NRXN3: variants seen among roughly 807,000 people sequenced by gnomAD.
NRXN3 encodes neurexin III.
NRXN3 carries 32 observed loss-of-function variants against 137.6 expected under a neutral mutation model. That is an observed-to-expected ratio of 0.23 (90% CI 0.18 to 0.31). NRXN3 has a LOEUF of 0.31. Ranked by LOEUF, NRXN3 falls within the 10% of genes least tolerant of loss-of-function variation. The pLI is 1.00. For synonymous variants in NRXN3, 798 were observed against 784.5 expected (o/e 1.02, Z -0.29); for missense variants, 1,574 against 2,062.5 (o/e 0.76, Z 4.59).
intron 6 of NRXN3, among the ~76,000 whole-genome samples, chr14:78,663,133 G>C (rs2097854429): frequency 6.6e-6 from 1 of 152,200 alleles, no homozygotes; most frequent in Admixed American, 6.5e-5. Context: ...CTAAGTGTTG[G>C]AGTTGAGATG....
chr14:78,599,591 C>T (rs1021809889), intron 4 of NRXN3, among the ~76,000 whole-genome samples: 1 of 152,204 alleles, frequency 6.6e-6, no homozygotes, highest in Non-Finnish European at 1.5e-5. Context: ...GATTCCTTTT[C>T]CTGTACCCCT....
chr14:79,107,103 A>G (rs2052586964), intron 15 of NRXN3, among the ~76,000 whole-genome samples: 1 of 152,210 alleles, frequency 6.6e-6, no homozygotes, highest in Admixed American at 6.6e-5. Context: ...TCTATGTATC[A>G]TGACTGACTA....
At chr14:79,063,708 G>T (rs749373352) in intron 15 of NRXN3, among the ~76,000 whole-genome samples, 2 of 152,108 alleles carry the variant, frequency 1.3e-5, no homozygotes, top group Non-Finnish European at 2.9e-5. Context: ...AATACAAGCC[G>T]AGGAAAGAGA....
intron 17 of NRXN3, among the ~76,000 whole-genome samples, chr14:79,664,975 AG>A (rs2098551114): frequency 6.6e-6 from 1 of 152,158 alleles, no homozygotes; most frequent in Admixed American, 6.6e-5. Flanking sequence ...ACAATAACAA[AG>A]AAGCTTGAAG....
At chr14:79,542,118 T>C (rs1041912157) in intron 16 of NRXN3, among the ~76,000 whole-genome samples, 5 of 152,186 alleles carry the variant, frequency 3.3e-5, no homozygotes, top group Admixed American at 2.6e-4. Flanking sequence ...TTGATTAAAT[T>C]AAGATGTAGC....
intron 15 of NRXN3, among the ~76,000 whole-genome samples, chr14:79,267,689 G>A (rs2078652128): frequency 6.6e-6 from 1 of 151,546 alleles, no homozygotes; most frequent in Non-Finnish European, 1.5e-5. Context: ...CACCATGTTG[G>A]CCAGGCTGGT....
chr14:79,136,530 G>A (rs2653548), intron 15 of NRXN3, among the ~76,000 whole-genome samples: 2,686 of 152,230 alleles, frequency 0.018, 77 homozygotes, highest in African/African-American at 0.062. Flanking sequence ...AATCCATTAG[G>A]AGAAGCTGAA....
intron 3 of NRXN3, chr14:78,282,553 G>A (rs988289818): frequency 6.0e-6 from 1 of 167,356 alleles, no homozygotes; most frequent in African/African-American, 2.4e-5. Flanking sequence ...GAGGAAATAG[G>A]CCTCCTGCTT....
At chr14:79,268,985 G>A (rs2078876190) in intron 15 of NRXN3, among the ~76,000 whole-genome samples, 1 of 151,948 alleles carries the variant, frequency 6.6e-6, no homozygotes, top group Admixed American at 6.6e-5. Flanking sequence ...TTCTACCATT[G>A]TTGTGGTTAT....
chr14:78,255,390 C>T lies in NRXN3; in HGVS notation c.709+11588C>T, dbSNP rs560809404. Among the ~76,000 whole-genome samples, 139 of 152,266 alleles carry T rather than the reference C, an allele frequency of 9.1e-4. 1 individual carries two copies. The highest frequency in any genetic ancestry group is 3.0e-3 in the African/African-American group (123 of 41,538). On this transcript the variant is annotated intron_variant, in intron 2 of 20. Coordinates refer to ENST00000335750, the MANE Select transcript of NRXN3 (RefSeq NM_001330195.2). ...TCACACCATCATGTGGTCATTGCCA[C>T]GTGGGCAGAGGATGGTTGGGTTTTA... is the stretch of plus-strand genomic sequence containing the variant.
chr14:79,581,041 C>T (rs1428275746), intron 16 of NRXN3, among the ~76,000 whole-genome samples: 1 of 152,032 alleles, frequency 6.6e-6, no homozygotes, highest in Non-Finnish European at 1.5e-5. Flanking sequence ...GGGAGCCTTC[C>T]CTCTCCGTGG....
In NRXN3 at chr14:79,601,701, C is replaced by G. The variant is rs905610116; in HGVS notation, c.3445-62077C>G. 6.6e-5 allele frequency among the ~76,000 whole-genome samples: 10 copies of G among 152,300 alleles called. No individual in the cohort carries two copies. The East Asian group carries it at 1.9e-3, about 29-fold the overall frequency. On this transcript the variant is annotated intron_variant, in intron 16 of 20. Transcript: ENST00000335750. ...GCCACGGTCTTCATTCTGAAGTAAC[C>G]TTAGAAGTCACTTTCAGTTCATAAC... is the stretch of plus-strand genomic sequence containing the variant.
intron 15 of NRXN3, among the ~76,000 whole-genome samples, chr14:79,318,310 G>A (rs74069727): frequency 0.041 from 6,236 of 152,328 alleles, 412 homozygotes; most frequent in African/African-American, 0.14. Flanking sequence ...GCAAAGGCAA[G>A]CACAGGCTCT....
chr14:78,683,785 C>T (rs1382131294), intron 6 of NRXN3, among the ~76,000 whole-genome samples: 3 of 152,042 alleles, frequency 2.0e-5, no homozygotes, highest in Non-Finnish European at 4.4e-5. Context: ...TCCAAAGACT[C>T]CTTTTAGAAT....
intron 15 of NRXN3, among the ~76,000 whole-genome samples, chr14:79,438,172 G>A (rs1171784880): frequency 6.6e-6 from 1 of 152,176 alleles, no homozygotes; most frequent in Non-Finnish European, 1.5e-5. Flanking sequence ...CTTTGCCTGG[G>A]ACTGTAGCCT....
At chr14:79,101,603 C>T (rs1261750875) in intron 15 of NRXN3, among the ~76,000 whole-genome samples, 2 of 152,174 alleles carry the variant, frequency 1.3e-5, no homozygotes, top group African/African-American at 2.4e-5. Flanking sequence ...CCTCTGACCA[C>T]GAGACAGCTT....
chr14:78,496,131 T>C (rs1246571851), intron 4 of NRXN3, among the ~76,000 whole-genome samples: 1 of 152,208 alleles, frequency 6.6e-6, no homozygotes, highest in Non-Finnish European at 1.5e-5. Flanking sequence ...GCATTGCTTA[T>C]GTATTTAATT....
At chr14:78,758,395 G>A (rs918342600) in intron 8 of NRXN3, among the ~76,000 whole-genome samples, 2 of 152,278 alleles carry the variant, frequency 1.3e-5, no homozygotes, top group Admixed American at 6.5e-5. Context: ...ACAGCTGAGT[G>A]GTACTTCTAG....
chr14:79,403,462 G>C lies in NRXN3; in HGVS notation c.3263-63759G>C, dbSNP rs993926402. Among the ~76,000 whole-genome samples, 5 of 152,268 alleles carry C rather than the reference G, an allele frequency of 3.3e-5. No homozygotes were observed. In the South Asian group the frequency reaches 1.0e-3, roughly 32 times the overall value. Reference sequence around the variant, plus strand: ...ACCTCCAGTGGAACAAGAGTCTGTGGACTCTGTCACCCTGTTACTCCCTCT... The same window carrying C: ...ACCTCCAGTGGAACAAGAGTCTGTGCACTCTGTCACCCTGTTACTCCCTCT... On this transcript the variant is annotated intron_variant, in intron 15 of 20. Transcript: ENST00000335750.
Sources: allele counts gnomAD v4.1 joint callset (sites outside exome capture counted in the v4.1 genomes callset), GRCh38; gene constraint gnomAD v4.1.1; transcripts MANE v1.5; gene names NCBI Gene and HGNC (gene_info 2026-07-23, HGNC 2026-07-21).